Variants in ZPR1 observed in about 807,000 individuals in gnomAD.
ZPR1 encodes ZPR1 zinc finger.
A neutral mutation model predicts 59.6 loss-of-function variants in ZPR1; 37 were observed. That is an observed-to-expected ratio of 0.62 (90% CI 0.48 to 0.82). The LOEUF (loss-of-function observed/expected upper bound fraction) is 0.82. ZPR1 is among the 40% of genes least tolerant of loss of function. The pLI is 0.00. For missense variants in ZPR1, 527 were observed against 579.9 expected, an observed-to-expected ratio of 0.91 and a Z score of 0.94; for synonymous variants, 191 against 215.2, an observed-to-expected ratio of 0.89 and a Z score of 0.99.
chr11:116,781,212 A>C (rs1940798690), intron 12 of ZPR1, among the ~76,000 whole-genome samples: 1 of 151,434 alleles, frequency 6.6e-6, no homozygotes. Flanking sequence ...CAGAAAGAAC[A>C]GAAAAAAAAA....
At position 116,787,886 on chromosome 11, in the gene ZPR1, G is replaced by C. The variant is rs1283956640; in HGVS notation, c.105C>G (p.Ile35Met). The change falls in exon 1 of 14, where the codon ATC becomes ATG. Residue 35 changes from isoleucine to methionine, a missense_variant. Transcript: ENST00000227322. The part of the protein sequence containing the change: ...PPAPDHLFRP[I>M]SAEDEEQQPT... ...GCTGCTGCTCCTCGTCCTCGGCGCT[G>C]ATGGGCCGGAACAGGTGATCAGGGG... is the stretch of plus-strand genomic sequence containing the variant. The C allele has an allele frequency of 6.5e-7, 1 of 1,548,840 alleles. No homozygotes were observed. The highest frequency in any genetic ancestry group is 8.7e-7 in the Non-Finnish European group (1 of 1,148,890).
At position 116,777,426 on chromosome 11, in the gene ZPR1, C is replaced by G. The variant is rs549410301; in HGVS notation, c.*1499G>C. On this transcript the variant is annotated 3_prime_UTR_variant, in exon 14 of 14. Coordinates refer to ENST00000227322, the MANE Select transcript of ZPR1 (RefSeq NM_003904.5). ...CTGTAATCCTAGCACTTTGGGAGGC[C>G]AAGGCTGGCGGATTGCCTGAGCTCA... 6.6e-6 allele frequency: 1 copy of G among 152,178 alleles called. No individual in the cohort carries two copies. The highest frequency in any genetic ancestry group is 1.5e-5 in the Non-Finnish European group (1 of 68,064). The allele number at this position is 152,178 out of a possible 1,614,324, so 9.4% of individuals were successfully genotyped here. A position where few individuals can be genotyped will look rare whatever the true frequency, so the allele number is the denominator to read the frequency against.
chr11:116,787,460 A>T (rs1940904954), intron 2 of ZPR1, 22 bp downstream of exon 2: 1 of 1,608,174 alleles, frequency 6.2e-7, no homozygotes, highest in Non-Finnish European at 8.5e-7. Flanking sequence ...ATACTGAGGT[A>T]CCTGCTCTGA....
chr11:116,787,929 G>A lies in ZPR1; in HGVS notation c.62C>T (p.Ala21Val), dbSNP rs367894029. The A allele has an allele frequency of 6.6e-4, 980 of 1,489,192 alleles. 1 individual carries two copies. The highest frequency in any genetic ancestry group is 2.9e-3 in the Middle Eastern group (12 of 4,160). The allele number at this position is 1,489,192 out of a possible 1,614,324, so 92.2% of individuals were successfully genotyped here. A position where few individuals can be genotyped will look rare whatever the true frequency, so the allele number is the denominator to read the frequency against. ...ATCAGGGGCAGGCGGCGGGGCCGGGGCGGGCGACGGGGCGACGGCAGCCCC... is the reference window on the plus strand; with the variant it reads ...ATCAGGGGCAGGCGGCGGGGCCGGGACGGGCGACGGGGCGACGGCAGCCCC... The part of the protein sequence containing the change: ...PPGAAVAPSP[A>V]PAPPPAPDHL... Residue 21 changes from alanine (A) to valine (V), a missense_variant, in exon 1 of 14, where the codon GCC becomes GTC. Coordinates refer to ENST00000227322, the MANE Select transcript of ZPR1 (RefSeq NM_003904.5).
rs1441079451 is a variant in ZPR1 at position 116,787,879 on chromosome 11, C to CAA, written c.111_112insTT (p.Glu38LeufsTer16). The CAA allele has an allele frequency of 6.5e-7, 1 of 1,543,574 alleles. No individual in the cohort carries two copies. Among genetic ancestry groups the CAA allele is most frequent in the African/African-American group, 1.4e-5 (1 of 71,178 alleles). Reference sequence around the variant, plus strand: ...TCGGTGGGCTGCTGCTCCTCGTCCTCGGCGCTGATGGGCCGGAACAGGTGA... The same window carrying CAA: ...TCGGTGGGCTGCTGCTCCTCGTCCTCAAGGCGCTGATGGGCCGGAACAGGTGA... On this transcript the variant is annotated frameshift_variant, in exon 1 of 14. Transcript: ENST00000227322. LOFTEE classifies it high-confidence loss of function.
Position 116,786,740 on chromosome 11 carries a change from G to A in ZPR1, c.425-159C>T, listed in dbSNP as rs113817391. On this transcript the variant is annotated intron_variant, in intron 3 of 13. Coordinates refer to ENST00000227322, the MANE Select transcript of ZPR1 (RefSeq NM_003904.5). ...AAGGTTCCATTCATGTCTGATAATA[G>A]TGATGCTAAAATTCTACAATAAACA... is the stretch of plus-strand genomic sequence containing the variant. Among the ~76,000 whole-genome samples the A allele has an allele frequency of 5.7e-3, 866 of 152,288 alleles. 10 individuals carry two copies. Among genetic ancestry groups the A allele is most frequent in the African/African-American group, 0.02 (838 of 41,554 alleles).
In ZPR1 at chr11:116,782,940, C is replaced by T. The variant is rs1410392163; in HGVS notation, c.1071G>A (p.Leu357=). 6.2e-7 allele frequency: 1 copy of T among 1,614,050 alleles called. No individual in the cohort carries two copies. The highest frequency in any genetic ancestry group is 1.3e-5 in the African/African-American group (1 of 74,938). Residue 357 remains leucine, a synonymous_variant, in exon 11 of 14, where the codon CTG becomes CTA. Transcript: ENST00000227322. ...LGGKFTTLEG[L]LKDIRELVTK... is the part of the protein sequence containing the mutation. ...TCACCAGTTCCCGGATGTCTTTCAG[C>T]AGCCCTTCCAGTGTGGTGAACTTGC...
rs35120633 is a variant in ZPR1 at position 116,784,884 on chromosome 11, G to A, written c.791C>T (p.Ala264Val). The change falls in exon 8 of 14, where the codon GCC (alanine) becomes GTC (valine). Residue 264 changes from alanine (A) to valine (V), a missense_variant. By Grantham distance (64) the Ala-to-Val change is moderately conservative (BLOSUM62 0). Transcript: ENST00000227322. ...TAGCTTCATGTTGGTCTGAGCGGGG[G>A]CATTGCATTCTGGGCAGTTTGTGCT... ...QFSTNCPECN[A>V]PAQTNMKLVQ... 97,829 of 1,614,078 alleles carry A rather than the reference G, an allele frequency of 0.061. 3,446 individuals are homozygous for A. The highest frequency in any genetic ancestry group is 0.14 in the Admixed American group (8,234 of 60,004).
chr11:116,781,524 A>T (rs555989484), intron 12 of ZPR1, among the ~76,000 whole-genome samples: 1 of 152,246 alleles, frequency 6.6e-6, no homozygotes, highest in Non-Finnish European at 1.5e-5. Flanking sequence ...CGAAATTCTG[A>T]TAAAAAATTA....
intron 4 of ZPR1, among the ~76,000 whole-genome samples, chr11:116,786,087 T>C (rs2134197998): frequency 6.6e-6 from 1 of 152,266 alleles, no homozygotes; most frequent in Non-Finnish European, 1.5e-5. Flanking sequence ...TCTCACTCAT[T>C]CAACCATTTA....
At chr11:116,786,671 C>G (rs1940892479) in intron 3 of ZPR1, 90 bp from the exon 4 acceptor site, 1 of 1,134,066 alleles carries the variant, frequency 8.8e-7, no homozygotes, top group Non-Finnish European at 1.3e-6. Context: ...CTTGAACTCT[C>G]TGGGTCTTAA....
chr11:116,783,572 G>A lies in ZPR1; in HGVS notation c.939C>T (p.Leu313=), dbSNP rs1283001745. 6.2e-7 allele frequency: 1 copy of A among 1,614,082 alleles called. No individual in the cohort carries two copies. The highest frequency in any genetic ancestry group is 1.3e-5 in the African/African-American group (1 of 74,918). The change falls in exon 10 of 14, where the codon CTC becomes CTT. Residue 313 remains leucine, a synonymous_variant. Transcript: ENST00000227322. ...TCATATCTGAGGCATCTGTGATGTG[G>A]AGGGTGATCCTGGTGCCCAAGGGTT... ...AVEPLGTRIT[L]HITDASDMTR...
Position 116,778,557 on chromosome 11 carries a change from A to G in ZPR1, c.*368T>C, listed in dbSNP as rs1940753094. 1 of 213,032 alleles carries G rather than the reference A, an allele frequency of 4.7e-6. No homozygotes were observed. The highest frequency in any genetic ancestry group is 5.2e-5 in the Admixed American group (1 of 19,086). 13.2% of individuals were successfully genotyped at this position (213,032 alleles called of 1,614,324 possible). On this transcript the variant is annotated 3_prime_UTR_variant, in exon 14 of 14. Transcript: ENST00000227322. ...TTTTATATACTCAAAACCAACAACA[A>G]ACTCCAGGTGTAACTTTATTCCACC... is the stretch of plus-strand genomic sequence containing the variant.
intron 12 of ZPR1, 121 bp downstream of exon 12, chr11:116,782,037 C>T (rs1940814510): frequency 1.5e-6 from 1 of 673,026 alleles, no homozygotes; most frequent in Admixed American, 3.2e-5. Context: ...GAAAAGAAAA[C>T]CAGAAGAAGA....
chr11:116,779,829 T>A lies in ZPR1; in HGVS notation c.1188A>T (p.Glu396Asp), dbSNP rs772959233. ...EFSQKMDQII[E>D]GNMKAHFIMD... ...TAATAAAGTGGGCCTTCATGTTACC[T>A]TCGATGATCTAAAGGAGAGAGAGAA... The change falls in exon 13 of 14, where the codon GAA becomes GAT. Residue 396 changes from glutamate (E) to aspartate (D), a missense_variant. Coordinates refer to ENST00000227322, the MANE Select transcript of ZPR1 (RefSeq NM_003904.5). The A allele has an allele frequency of 6.3e-7, 1 of 1,594,684 alleles. No individual in the cohort carries two copies. Among genetic ancestry groups the A allele is most frequent in the Non-Finnish European group, 8.5e-7 (1 of 1,170,752 alleles).
intron 12 of ZPR1, among the ~76,000 whole-genome samples, chr11:116,780,096 T>A (rs1489953413): frequency 6.7e-6 from 1 of 149,948 alleles, no homozygotes; most frequent in Non-Finnish European, 1.5e-5. Context: ...TAAAGAAAAA[T>A]TTTTAAAAAA....
intron 4 of ZPR1, 58 bp downstream of exon 4, chr11:116,786,453 G>A (rs1447327135): frequency 3.1e-6 from 5 of 1,592,450 alleles, no homozygotes; most frequent in Non-Finnish European, 4.3e-6. Flanking sequence ...AGACACATGG[G>A]ACACTCTATA....
intron 11 of ZPR1, 80 bp downstream of exon 11, chr11:116,782,839 A>T (rs1940828847): frequency 3.6e-6 from 4 of 1,121,990 alleles, no homozygotes; most frequent in Non-Finnish European, 5.4e-6. Context: ...ACCGAAAATT[A>T]GGATGTCTGA....
chr11:116,779,614 C>T (rs567069008), intron 13 of ZPR1, among the ~76,000 whole-genome samples, 158 bp downstream of exon 13: 1 of 152,056 alleles, frequency 6.6e-6, no homozygotes, highest in African/African-American at 2.4e-5. Context: ...CCCTCCCACA[C>T]CCCCCTCTTT....
Sources: gnomAD v4.1 joint callset for allele counts (sites outside exome capture counted in the v4.1 genomes callset) on GRCh38, gnomAD v4.1.1 for gene constraint, MANE v1.5 for transcripts, NCBI Gene and HGNC (gene_info 2026-07-23, HGNC 2026-07-21) for gene names.